The following ZNF559 variants were observed in gnomAD, a reference collection of about 807,000 sequenced individuals.
The protein encoded by ZNF559 is putative protein product of Nbla00121.
ZNF559 carries 17 observed loss-of-function variants against 14.2 expected under a neutral mutation model. That is an observed-to-expected ratio of 1.20 (90% confidence interval 0.82 to 1.80). ZNF559 has a LOEUF of 1.80. Among genes scored for constraint, ZNF559 ranks in the 40% most tolerant of loss-of-function variants. The pLI is 0.00. For synonymous variants in ZNF559, 244 were observed against 212.4 expected (o/e 1.15, Z -1.29); for missense variants, 740 against 629.7 (o/e 1.18, Z -1.88).
Position 9,345,590 on chromosome 19 carries a change from G to T in ZNF559, c.*2522G>T, listed in dbSNP as rs1194952049. The T allele has an allele frequency of 6.6e-6, 1 of 151,940 alleles. No homozygotes were observed. The highest frequency in any genetic ancestry group is 1.5e-5 in the Non-Finnish European group (1 of 67,976). 9.4% of individuals were successfully genotyped at this position (151,940 alleles called of 1,614,324 possible). A position where few individuals can be genotyped will look rare whatever the true frequency, so the allele number is the denominator to read the frequency against. On this transcript the variant is annotated 3_prime_UTR_variant, in exon 7 of 7. Coordinates refer to ENST00000603380, the MANE Select transcript of ZNF559 (RefSeq NM_032497.3). ...TCACGTGCTTACTGGCCTTCTTTAA[G>T]CCTTTGGGGAAGAGTCTGTTCAAAT...
chr19:9,324,142 T>C (rs1224515480), upstream of ZNF559: 1 of 1,535,480 alleles, frequency 6.5e-7, no homozygotes, highest in Non-Finnish European at 8.7e-7. Flanking sequence ...TAGGTGGTCC[T>C]AGCCTTTGCG....
intron 2 of ZNF559, among the ~76,000 whole-genome samples, chr19:9,335,061 G>A (rs1226352652): frequency 3.3e-5 from 5 of 151,990 alleles, no homozygotes; most frequent in African/African-American, 7.3e-5. Context: ...GCGTGAACGC[G>A]GGAGGCGGAG....
chr19:9,339,284 T>C lies in ZNF559; in HGVS notation c.125T>C (p.Val42Ala), dbSNP rs1487427170. The C allele has an allele frequency of 3.1e-6, 5 of 1,613,756 alleles. No homozygotes were observed. The highest frequency in any genetic ancestry group is 4.2e-6 in the Non-Finnish European group (5 of 1,179,914). Residue 42 changes from valine to alanine, a missense_variant, in exon 5 of 7, where the codon GTG becomes GCG. Physicochemically the swap from Val to Ala is moderately conservative, Grantham distance 64. Transcript: ENST00000603380. Reference sequence around the variant, plus strand: ...ACTCAGAGAAACTTATACAGAGATGTGATGCTGGAGAACTATAAGAATCTA... The same window carrying C: ...ACTCAGAGAAACTTATACAGAGATGCGATGCTGGAGAACTATAAGAATCTA... ...DQTQRNLYRD[V>A]MLENYKNLVA...
At chr19:9,328,085 T>G (rs975947797) in intron 2 of ZNF559, among the ~76,000 whole-genome samples, 9 of 152,172 alleles carry the variant, frequency 5.9e-5, no homozygotes, top group Admixed American at 2.0e-4. Flanking sequence ...ATTACAAACT[T>G]AAGAGGTTTT....
Position 9,343,946 on chromosome 19 carries a change from C to A in ZNF559, c.*878C>A. On this transcript the variant is annotated 3_prime_UTR_variant, in exon 7 of 7. Transcript: ENST00000603380. The stretch of plus-strand genomic sequence containing the variant: ...TTTGTCACTACTACACTTCCCTAGT[C>A]TTTAAAACAATTTTAGGCTGGGTGC... 2.3e-6 allele frequency: 1 copy of A among 429,914 alleles called. No individual in the cohort carries two copies. The highest frequency in any genetic ancestry group is 3.1e-6 in the Non-Finnish European group (1 of 322,794). The allele number at this position is 429,914 out of a possible 1,614,324, so 26.6% of individuals were successfully genotyped here. A position where few individuals can be genotyped will look rare whatever the true frequency, so the allele number is the denominator to read the frequency against.
rs1184540428 is a variant in ZNF559, at chr19:9,324,546, C to A, written c.-205-149C>A. 4 of 1,212,854 alleles carry A rather than the reference C, an allele frequency of 3.3e-6. No individual in the cohort carries two copies. In the East Asian group the frequency reaches 7.7e-5, roughly 23 times the overall value. 75.1% of individuals were successfully genotyped at this position (1,212,854 alleles called of 1,614,324 possible). ...GGCGGCTCACGCCTGTCATTCCCAG[C>A]GCTTTGGGCGGATTGGGTAGGAGGA... On this transcript the variant is annotated intron_variant, in intron 1 of 6. Transcript: ENST00000603380.
At position 9,324,208 on chromosome 19, in the gene ZNF559, G is replaced by T. The variant is rs1250888379; in HGVS notation, c.-226G>T. 1 of 1,536,112 alleles carries T rather than the reference G, an allele frequency of 6.5e-7. No individual in the cohort carries two copies. The highest frequency in any genetic ancestry group is 2.4e-5 in the East Asian group (1 of 40,906). On this transcript the variant is annotated 5_prime_UTR_variant, in exon 1 of 7. Transcript: ENST00000603380. ...GCATAACGGCCGCCATCTTAACAGC[G>T]CGTTCCCGTTGGCGTCTGAGGTAAG...
At position 9,340,736 on chromosome 19, in the gene ZNF559, T is replaced by TTTTTTTC. The variant is rs1167656150; in HGVS notation, c.161-360_161-359insCTTTTTT. Among the ~76,000 whole-genome samples, 2 of 138,142 alleles carry TTTTTTTC rather than the reference T, an allele frequency of 1.4e-5. 1 individual carries two copies. The highest frequency in any genetic ancestry group is 1.4e-4 in the Admixed American group (2 of 14,314). The allele number at this position is 138,142 out of a possible 152,430, so 90.6% of individuals were successfully genotyped here. A position where few individuals can be genotyped will look rare whatever the true frequency, so the allele number is the denominator to read the frequency against. The stretch of plus-strand genomic sequence containing the variant: ...TGCATGCCACCTTGCCTGGCTAATT[T>TTTTTTTC]TTTTTTTTTTTTTGTATTTTAGTAA... On this transcript the variant is annotated intron_variant, in intron 5 of 6. Transcript: ENST00000603380.
At chr19:9,326,340 C>A (rs1031111322) in intron 2 of ZNF559, among the ~76,000 whole-genome samples, 2 of 152,220 alleles carry the variant, frequency 1.3e-5, no homozygotes, top group South Asian at 4.1e-4. Flanking sequence ...CTCCTGACCT[C>A]GTGATCTGCC....
chr19:9,324,227 A>T lies in ZNF559; in HGVS notation c.-207A>T. 1 of 1,535,924 alleles carries T rather than the reference A, an allele frequency of 6.5e-7. No individual in the cohort carries two copies. Among genetic ancestry groups the T allele is most frequent in the Non-Finnish European group, 8.7e-7 (1 of 1,146,846 alleles). On this transcript the variant is annotated splice_region_variant and 5_prime_UTR_variant, in exon 1 of 7. Coordinates refer to ENST00000603380, the MANE Select transcript of ZNF559 (RefSeq NM_032497.3). ...AACAGCGCGTTCCCGTTGGCGTCTG[A>T]GGTAAGTTTTTGTTTCTGGGCGGCG...
intron 2 of ZNF559, among the ~76,000 whole-genome samples, chr19:9,332,313 T>G (rs748441717): frequency 8.6e-5 from 13 of 151,620 alleles, no homozygotes; most frequent in Admixed American, 6.6e-4. Context: ...ACTTGATGTA[T>G]TATCTTTTCA....
At chr19:9,324,528 C>G in intron 1 of ZNF559, 167 bp from the exon 2 acceptor site, 1 of 1,260,822 alleles carries the variant, frequency 7.9e-7, no homozygotes, top group Non-Finnish European at 1.1e-6. Flanking sequence ...CGCGGCGGCT[C>G]ACGCCTGTCA....
At position 9,341,966 on chromosome 19, in the gene ZNF559, A is replaced by G. The variant is rs750474080; in HGVS notation, c.515A>G (p.His172Arg). ...TGCAAGAAAACTAGCCAAAATCTAC[A>G]TCTTGTTTGCAAGAAAACTCACACT... ...LVCKKTSQNLHLVCKKTHTQE... is the reference protein window; with the variant it reads ...LVCKKTSQNLRLVCKKTHTQE... The change falls in exon 7 of 7, where the codon CAT becomes CGT. Residue 172 changes from histidine to arginine, a missense_variant. Physicochemically the swap from His to Arg is conservative, Grantham distance 29. Coordinates refer to ENST00000603380, the MANE Select transcript of ZNF559 (RefSeq NM_032497.3). 5 of 1,613,676 alleles carry G rather than the reference A, an allele frequency of 3.1e-6. No individual in the cohort carries two copies. The East Asian group carries it at 8.9e-5, about 29-fold the overall frequency.
At chr19:9,324,309 C>T in intron 1 of ZNF559, 81 bp downstream of exon 1, 1 of 1,535,556 alleles carries the variant, frequency 6.5e-7, no homozygotes, top group Admixed American at 2.0e-5. Flanking sequence ...GGGGAGGTGC[C>T]CAGTGAAATG....
Position 9,342,122 on chromosome 19 carries a change from AT to A in ZNF559, c.673del (p.Ser225LeufsTer36), listed in dbSNP as rs781453574. The A allele has an allele frequency of 1.2e-6, 2 of 1,613,556 alleles. No homozygotes were observed. The highest frequency in any genetic ancestry group is 4.5e-5 in the East Asian group (2 of 44,872). On this transcript the variant is annotated frameshift_variant, in exon 7 of 7. Coordinates refer to ENST00000603380, the MANE Select transcript of ZNF559 (RefSeq NM_032497.3). LOFTEE classifies it low-confidence loss of function (END_TRUNC). ...THKEYVETFS[H>X]STALFVHMQT... ...AAGGAGTATGTCGAAACCTTTTCTC[AT>A]TCTACAGCCCTTTTTGTACACATGC... is the stretch of plus-strand genomic sequence containing the variant.
chr19:9,338,644 T>G, intron 4 of ZNF559, 62 bp downstream of exon 4: 1 of 1,330,620 alleles, frequency 7.5e-7, no homozygotes, highest in Middle Eastern at 1.8e-4. Flanking sequence ...TAGATGTGTT[T>G]TCTCCTAGTG....
Position 9,342,683 on chromosome 19 carries a change from G to A in ZNF559, c.1232G>A (p.Cys411Tyr), listed in dbSNP as rs1431273430. The A allele has an allele frequency of 3.1e-6, 5 of 1,614,042 alleles. No individual in the cohort carries two copies. The highest frequency in any genetic ancestry group is 4.2e-6 in the Non-Finnish European group (5 of 1,180,044). The change falls in exon 7 of 7, where the codon TGT becomes TAT. Residue 411 changes from cysteine (C) to tyrosine (Y), a missense_variant. Cys to Tyr is a radical substitution (Grantham distance 194, BLOSUM62 -2). Transcript: ENST00000603380. ...QTHPGVKPYD[C>Y]QQCGKAFIRS... Reference sequence around the variant, plus strand: ...CATCCTGGTGTAAAACCCTATGACTGTCAACAGTGTGGGAAAGCCTTCATT... The same window carrying A: ...CATCCTGGTGTAAAACCCTATGACTATCAACAGTGTGGGAAAGCCTTCATT...
At chr19:9,338,692 G>A (rs2067373817) in intron 4 of ZNF559, 110 bp downstream of exon 4, 2 of 790,780 alleles carry the variant, frequency 2.5e-6, no homozygotes, top group East Asian at 5.1e-5. Flanking sequence ...TCTGCTTAGG[G>A]ACCACATCTC....
intron 2 of ZNF559, among the ~76,000 whole-genome samples, chr19:9,330,742 T>A (rs1358644792): frequency 6.6e-6 from 1 of 152,220 alleles, no homozygotes; most frequent in Non-Finnish European, 1.5e-5. Context: ...GTCATTTAAC[T>A]CACTGATCTT....
Sources: allele counts gnomAD v4.1 joint callset (sites outside exome capture counted in the v4.1 genomes callset), GRCh38; gene constraint gnomAD v4.1.1; transcripts MANE v1.5; gene names NCBI Gene and HGNC (gene_info 2026-07-23, HGNC 2026-07-21).